LYST: variants seen among roughly 807,000 people sequenced by gnomAD.
The protein encoded by LYST is lysosomal-trafficking regulator.
Under a neutral mutation model 413.6 loss-of-function variants are expected in LYST, and 192 were observed. The ratio of observed to expected loss-of-function variants is 0.46; its 90% CI spans 0.41 to 0.52. The LOEUF (loss-of-function observed/expected upper bound fraction) is 0.52. Among genes scored for constraint, LYST ranks in the 20% least tolerant of loss-of-function variants. The pLI, the probability that LYST is intolerant of heterozygous loss-of-function variation, is 0.00. For missense variants in LYST, 3,815 were observed against 4,499.9 expected (o/e 0.85, Z 4.35); for synonymous variants, 1,525 against 1,567.3 (o/e 0.97, Z 0.64).
In LYST at chr1:235,739,046, G is replaced by T. The variant is rs186121674; in HGVS notation, c.8358+2376C>A. 577 of 642,350 alleles carry T rather than the reference G, an allele frequency of 9.0e-4. 1 individual carries two copies. The highest frequency in any genetic ancestry group is 1.8e-3 in the Middle Eastern group (4 of 2,242). The allele number at this position is 642,350 out of a possible 1,614,324, so 39.8% of individuals were successfully genotyped here. A position where few individuals can be genotyped will look rare whatever the true frequency, so the allele number is the denominator to read the frequency against. ...AGGCTACAATAGGATTTTAGTTGGA[G>T]GTTGTGCATATTGTCCTTTTTATCT... is the stretch of plus-strand genomic sequence containing the variant. On this transcript the variant is annotated intron_variant, in intron 31 of 52. Coordinates refer to ENST00000389793, the MANE Select transcript of LYST (RefSeq NM_000081.4).
intron 40 of LYST, among the ~76,000 whole-genome samples, chr1:235,720,327 T>G (rs997434478): frequency 6.6e-6 from 1 of 152,064 alleles, no homozygotes; most frequent in African/African-American, 2.4e-5. Context: ...GGACTAGATA[T>G]TAGATGATAT....
At chr1:235,800,662 G>C (rs992602445) in intron 9 of LYST, among the ~76,000 whole-genome samples, 6 of 152,098 alleles carry the variant, frequency 3.9e-5, no homozygotes, top group African/African-American at 1.2e-4. Flanking sequence ...CTACTGGCTA[G>C]CAAAGGACAT....
At position 235,777,297 on chromosome 1, in the gene LYST, T is replaced by C. The variant is rs1431899926; in HGVS notation, c.5226A>G (p.Ser1742=). ...VDIGLLIESL[S]VVYTTYCPAQ... ...CAGGACAGTAAGTTGTATAAACAAC[T>C]GAAAGACTTTCCTGAAATACAAATA... Residue 1742 remains serine (S), a synonymous_variant, in exon 17 of 53, where the codon TCA becomes TCG. Coordinates refer to ENST00000389793, the MANE Select transcript of LYST (RefSeq NM_000081.4). 2.5e-6 allele frequency: 4 copies of C among 1,612,532 alleles called. No individual in the cohort carries two copies. The highest frequency in any genetic ancestry group is 3.4e-6 in the Non-Finnish European group (4 of 1,178,816).
intron 1 of LYST, among the ~76,000 whole-genome samples, chr1:235,877,213 C>G (rs1408347793): frequency 6.6e-6 from 1 of 152,150 alleles, no homozygotes; most frequent in Non-Finnish European, 1.5e-5. Flanking sequence ...GGCCCTGTCC[C>G]GCTATCAAGA....
chr1:235,873,842 C>T (rs1360292465), intron 1 of LYST, among the ~76,000 whole-genome samples: 1 of 152,182 alleles, frequency 6.6e-6, no homozygotes, highest in Non-Finnish European at 1.5e-5. Context: ...AATTAAGAAA[C>T]ATTATCATTT....
chr1:235,759,239 T>G lies in LYST; in HGVS notation c.6614A>C (p.Lys2205Thr), dbSNP rs1333531818. 1 of 1,614,192 alleles carries G rather than the reference T, an allele frequency of 6.2e-7. No homozygotes were observed. ...LGFPVVKADH[K>T]QLGAEPRSED... ...TGACCTGGGTTCTGCTCCCAACTGT[T>G]TATGATCTGCTTTGACCACTGGAAA... The change falls in exon 23 of 53, where the codon AAA (lysine) becomes ACA (threonine). Residue 2205 changes from lysine (K) to threonine (T), a missense_variant. Lys to Thr is a moderately conservative substitution (Grantham distance 78). Coordinates refer to ENST00000389793, the MANE Select transcript of LYST (RefSeq NM_000081.4).
At position 235,809,912 on chromosome 1, in the gene LYST, C is replaced by G. The variant is rs767791732; in HGVS notation, c.906G>C (p.Leu302=). 1.2e-6 allele frequency: 2 copies of G among 1,614,000 alleles called. No homozygotes were observed. Among genetic ancestry groups the G allele is most frequent in the Non-Finnish European group, 1.7e-6 (2 of 1,179,976 alleles). Residue 302 remains leucine (L), a synonymous_variant, in exon 5 of 53, where the codon CTG becomes CTC. Coordinates refer to ENST00000389793, the MANE Select transcript of LYST (RefSeq NM_000081.4). The surrounding 1 kb of genome is among the most constrained non-coding windows in gnomAD (Gnocchi z 4.0). ...FLAGFGDCCS[L]SDNLESRVVS... ...CTACTCGACTCTCCAAGTTGTCGCT[C>G]AGACTGCAGCAGTCCCCAAAGCCTG... is the stretch of plus-strand genomic sequence containing the variant.
intron 3 of LYST, among the ~76,000 whole-genome samples, chr1:235,826,825 G>A (rs1180477120): frequency 2.0e-5 from 3 of 151,978 alleles, no homozygotes; most frequent in Non-Finnish European, 4.4e-5. Flanking sequence ...GGGACTATAG[G>A]CACACACCAC....
chr1:235,798,195 T>C (rs1234847088), intron 10 of LYST, among the ~76,000 whole-genome samples: 1 of 152,138 alleles, frequency 6.6e-6, no homozygotes, highest in African/African-American at 2.4e-5. Context: ...AAGAGGTACC[T>C]AAGAAGACAT....
rs142712419 is a variant in LYST at position 235,740,134 on chromosome 1, A to G, written c.8358+1288T>C. On this transcript the variant is annotated intron_variant, in intron 31 of 52. Coordinates refer to ENST00000389793, the MANE Select transcript of LYST (RefSeq NM_000081.4). Reference sequence around the variant, plus strand: ...GAAGACAGTGCCCTCAGTGTACTTGAAAGTGTCTTAATACTGGAAAAAGCA... The same window carrying G: ...GAAGACAGTGCCCTCAGTGTACTTGGAAGTGTCTTAATACTGGAAAAAGCA... 1.3e-3 allele frequency among the ~76,000 whole-genome samples: 198 copies of G among 152,312 alleles called. 1 individual carries two copies. The highest frequency in any genetic ancestry group is 1.8e-4 in the Non-Finnish European group (12 of 68,018).
At chr1:235,719,558 C>G (rs1239731980) in intron 40 of LYST, among the ~76,000 whole-genome samples, 2 of 150,016 alleles carry the variant, frequency 1.3e-5, no homozygotes, top group Non-Finnish European at 2.9e-5. Flanking sequence ...AGCACCATTA[C>G]AGTGGAATAT....
At chr1:235,741,714 A>G in intron 30 of LYST, 86 bp from the exon 31 acceptor site, 2 of 961,842 alleles carry the variant, frequency 2.1e-6, no homozygotes, top group Non-Finnish European at 3.3e-6. Flanking sequence ...AAAGAAGATT[A>G]TGGAACACGT....
At chr1:235,855,085 A>G (rs57764822) in intron 1 of LYST, among the ~76,000 whole-genome samples, 9,501 of 152,206 alleles carry the variant, frequency 0.062, 987 homozygotes, top group African/African-American at 0.22. Flanking sequence ...TCATGTTGCT[A>G]TGGAAATTCC....
At chr1:235,835,386 A>G (rs1234593503) in intron 1 of LYST, among the ~76,000 whole-genome samples, 1 of 152,148 alleles carries the variant, frequency 6.6e-6, no homozygotes, top group Non-Finnish European at 1.5e-5. Flanking sequence ...TCTATCTTGC[A>G]ATGCTAAGAT....
chr1:235,878,474 G>A (rs1435143199), intron 1 of LYST, among the ~76,000 whole-genome samples: 1 of 152,134 alleles, frequency 6.6e-6, no homozygotes, highest in Admixed American at 6.6e-5. Flanking sequence ...CTAGCAACCT[G>A]AAGTAAAAAT....
At position 235,751,234 on chromosome 1, in the gene LYST, C is replaced by G. The variant is rs1666463399; in HGVS notation, c.7756G>C (p.Val2586Leu). 3 of 1,613,706 alleles carry G rather than the reference C, an allele frequency of 1.9e-6. No homozygotes were observed. In the South Asian group the frequency reaches 3.3e-5, roughly 18 times the overall value. ...CCAGCAATGCTTTTCCGCTTTTGAA[C>G]TACTGCATGATGGGGAGCAGAAGGT... ...QSPSAPHHAV[V>L]QKRKSIAGPR... The change falls in exon 28 of 53, where the codon GTT becomes CTT. Residue 2586 changes from valine (V) to leucine (L), a missense_variant. By Grantham distance (32) the Val-to-Leu change is conservative. Coordinates refer to ENST00000389793, the MANE Select transcript of LYST (RefSeq NM_000081.4).
chr1:235,758,560 T>A (rs1285106163), intron 23 of LYST, among the ~76,000 whole-genome samples: 2 of 152,214 alleles, frequency 1.3e-5, no homozygotes, highest in African/African-American at 4.8e-5. Flanking sequence ...GTCACTTGTC[T>A]CTGATCAAGT....
Position 235,743,222 on chromosome 1 carries a change from C to T in LYST, c.8151+757G>A, listed in dbSNP as rs115758460. ...CCTAGCCAAATGCTGATCAAATCAC[C>T]TGTATCTGGTTCAAAACTGGAAGCA... On this transcript the variant is annotated intron_variant, in intron 30 of 52. Transcript: ENST00000389793. Among the ~76,000 whole-genome samples, 526 of 152,264 alleles carry T rather than the reference C, an allele frequency of 3.5e-3. 4 individuals carry two copies. Among genetic ancestry groups the T allele is most frequent in the African/African-American group, 0.012 (504 of 41,562 alleles).
chr1:235,664,100 C>A lies in LYST; in HGVS notation c.11196-45G>T, dbSNP rs755770613. On this transcript the variant is annotated intron_variant, in intron 51 of 52. Coordinates refer to ENST00000389793, the MANE Select transcript of LYST (RefSeq NM_000081.4). This position sits in a 1 kb window ranked among gnomAD's most constrained non-coding sequence, Gnocchi z 4.5. The stretch of plus-strand genomic sequence containing the variant: ...TCTAATTATGCAAACTAAAATTACT[C>A]TCCCTAAAAAGCCCTCTATATTTGT... 4.9e-5 allele frequency: 68 copies of A among 1,398,118 alleles called. No individual in the cohort carries two copies. The South Asian group carries it at 7.7e-4, about 16-fold the overall frequency. 86.6% of individuals were successfully genotyped at this position (1,398,118 alleles called of 1,614,324 possible). A position where few individuals can be genotyped will look rare whatever the true frequency, so the allele number is the denominator to read the frequency against.
Sources: gnomAD v4.1 joint callset for allele counts (sites outside exome capture counted in the v4.1 genomes callset) on GRCh38, gnomAD v4.1.1 for gene constraint, Gnocchi (gnomAD v3.1) non-coding constraint, MANE v1.5 for transcripts, NCBI Gene and HGNC (gene_info 2026-07-23, HGNC 2026-07-21) for gene names.